THRB: variants seen among roughly 807,000 people sequenced by gnomAD.
THRB encodes the protein thyroid hormone receptor beta.
A neutral mutation model predicts 47.8 loss-of-function variants in THRB; 12 were observed. The ratio of observed to expected loss-of-function variants is 0.25; its 90% confidence interval spans 0.16 to 0.41. The LOEUF is 0.41. Among genes scored for constraint, THRB ranks in the 10% least tolerant of loss-of-function variants. The probability of loss-of-function intolerance (pLI) is 1.00; values close to 1 mark genes in which losing one functional copy is unlikely to be tolerated. For synonymous variants in THRB, 218 were observed against 212.2 expected (o/e 1.03, Z -0.24); for missense variants, 348 against 589.2 (o/e 0.59, Z 4.24).
At chr3:24,403,014 C>T (rs2067539356) in intron 1 of THRB, among the ~76,000 whole-genome samples, 2 of 151,988 alleles carry the variant, frequency 1.3e-5, no homozygotes, top group Non-Finnish European at 2.9e-5. Flanking sequence ...ATTCGTTAAT[C>T]CAGGAATTCA....
At chr3:24,422,551 C>T (rs542598648) in intron 1 of THRB, among the ~76,000 whole-genome samples, 2 of 152,030 alleles carry the variant, frequency 1.3e-5, no homozygotes, top group Admixed American at 1.3e-4. Flanking sequence ...CCTCAATTTC[C>T]TCCTCAGATG....
At chr3:24,447,679 G>A (rs1427877384) in intron 1 of THRB, among the ~76,000 whole-genome samples, 1 of 152,074 alleles carries the variant, frequency 6.6e-6, no homozygotes, top group African/African-American at 2.4e-5. Flanking sequence ...TCTGAGTCCT[G>A]GAGGGGAAGG....
At chr3:24,242,665 G>C (rs2049667416) in intron 3 of THRB, among the ~76,000 whole-genome samples, 1 of 152,156 alleles carries the variant, frequency 6.6e-6, no homozygotes, top group African/African-American at 2.4e-5. Context: ...TTTGTTGAGT[G>C]AATCACATAC....
chr3:24,428,566 G>T (rs908445664), intron 1 of THRB, among the ~76,000 whole-genome samples: 2 of 152,018 alleles, frequency 1.3e-5, no homozygotes, highest in Admixed American at 6.6e-5. Context: ...AGCCCAATTT[G>T]TTTGTCAGCA....
chr3:24,293,847 C>T (rs2056192276), intron 3 of THRB, among the ~76,000 whole-genome samples: 1 of 152,206 alleles, frequency 6.6e-6, no homozygotes, highest in Non-Finnish European at 1.5e-5. Context: ...GTTAATTACC[C>T]ACCCTACTCA....
At chr3:24,216,775 G>A (rs2046610633) in intron 4 of THRB, among the ~76,000 whole-genome samples, 1 of 152,104 alleles carries the variant, frequency 6.6e-6, no homozygotes, top group Admixed American at 6.5e-5. Flanking sequence ...GAAACTTAAA[G>A]AATTTACGAA....
chr3:24,300,763 A>G (rs2056882702), intron 2 of THRB, among the ~76,000 whole-genome samples: 1 of 152,194 alleles, frequency 6.6e-6, no homozygotes, highest in Admixed American at 6.5e-5. Context: ...GTAGATTTGT[A>G]TTTGGAATAT....
In THRB at chr3:24,283,523, C is replaced by T. The variant is rs946050267; in HGVS notation, c.-43+13703G>A. Among the ~76,000 whole-genome samples, 462 of 150,938 alleles carry T rather than the reference C, an allele frequency of 3.1e-3. 3 individuals carry two copies. Among genetic ancestry groups the T allele is most frequent in the African/African-American group, 0.011 (440 of 40,474 alleles). ...GAAGCATTCCCTTTGAAAACTGGCA[C>T]AAGACAGGGATGCCCTCTCTCACCA... On this transcript the variant is annotated intron_variant, in intron 3 of 10. Transcript: ENST00000646209.
chr3:24,485,690 G>A (rs1285430523), intron 1 of THRB, among the ~76,000 whole-genome samples: 2 of 152,086 alleles, frequency 1.3e-5, no homozygotes, highest in Non-Finnish European at 2.9e-5. Context: ...GAGTCAGGCT[G>A]GGCTCCTTAC....
At chr3:24,128,361 C>G (rs570249854) in intron 9 of THRB, among the ~76,000 whole-genome samples, 1 of 152,178 alleles carries the variant, frequency 6.6e-6, no homozygotes, top group South Asian at 2.1e-4. Context: ...GAATTCAGAC[C>G]TCCTGACTCC....
At chr3:24,449,486 C>T (rs2072429965) in intron 1 of THRB, among the ~76,000 whole-genome samples, 1 of 152,144 alleles carries the variant, frequency 6.6e-6, no homozygotes, top group Non-Finnish European at 1.5e-5. Context: ...TATATTAACT[C>T]AGCAGGGAAA....
chr3:24,229,826 T>C (rs1321329068), intron 3 of THRB, among the ~76,000 whole-genome samples: 2 of 152,196 alleles, frequency 1.3e-5, no homozygotes, highest in Non-Finnish European at 2.9e-5. Flanking sequence ...TAGATGGTGG[T>C]AGCATTTTGG....
chr3:24,269,413 A>G (rs959695777), intron 3 of THRB, among the ~76,000 whole-genome samples: 113 of 120,370 alleles, frequency 9.4e-4, no homozygotes, highest in African/African-American at 3.1e-3. Context: ...GCACACACAC[A>G]CACACACACA....
intron 1 of THRB, among the ~76,000 whole-genome samples, chr3:24,371,365 T>C (rs1466101915): frequency 6.6e-6 from 1 of 152,120 alleles, no homozygotes; most frequent in African/African-American, 2.4e-5. Context: ...AAACATAACA[T>C]TATGTTTCAG....
chr3:24,342,376 C>G (rs1325444444), intron 1 of THRB, among the ~76,000 whole-genome samples: 1 of 152,078 alleles, frequency 6.6e-6, no homozygotes, highest in Non-Finnish European at 1.5e-5. Context: ...CAGGAAACCC[C>G]TAAGCTATCG....
chr3:24,217,924 C>A (rs2046741035), intron 4 of THRB, among the ~76,000 whole-genome samples: 1 of 152,142 alleles, frequency 6.6e-6, no homozygotes, highest in Admixed American at 6.6e-5. Flanking sequence ...CTTCCTTTTG[C>A]CCGAATTGTT....
In THRB at chr3:24,189,929, A is replaced by C. The variant is rs2043115418; in HGVS notation, c.283+145T>G. The C allele has an allele frequency of 6.6e-6, 5 of 761,682 alleles. No individual in the cohort carries two copies. The East Asian group carries it at 1.2e-4, about 19-fold the overall frequency. 47.2% of individuals were successfully genotyped at this position (761,682 alleles called of 1,614,324 possible). A position where few individuals can be genotyped will look rare whatever the true frequency, so the allele number is the denominator to read the frequency against. On this transcript the variant is annotated intron_variant, in intron 5 of 10. Transcript: ENST00000646209. Reference sequence around the variant, plus strand: ...TTATGTTTAAAAGAATATTTGAAGAAAAGGACGCCTAGTAAAAGAACAGTT... The same window carrying C: ...TTATGTTTAAAAGAATATTTGAAGACAAGGACGCCTAGTAAAAGAACAGTT...
intron 1 of THRB, among the ~76,000 whole-genome samples, chr3:24,365,424 A>G (rs2064390286): frequency 6.6e-6 from 1 of 152,186 alleles, no homozygotes; most frequent in African/African-American, 2.4e-5. Context: ...AAGCTTTTCA[A>G]CAGACTGGAA....
At chr3:24,144,223 AAG>A in intron 7 of THRB, 1 of 179,250 alleles carries the variant, frequency 5.6e-6, no homozygotes, top group Non-Finnish European at 1.2e-5. Context: ...TAAGAGGAAA[AAG>A]GACCCCAACT....
Sources: gnomAD v4.1 joint callset for allele counts (sites outside exome capture counted in the v4.1 genomes callset) on GRCh38, gnomAD v4.1.1 for gene constraint, MANE v1.5 for transcripts, NCBI Gene and HGNC (gene_info 2026-07-23, HGNC 2026-07-21) for gene names.